Variants in CASQ2 observed in about 807,000 individuals in gnomAD.
CASQ2 encodes calsequestrin 2, also known as calsequestrin-2.
Under a neutral mutation model 46.5 loss-of-function variants are expected in CASQ2, and 49 were observed. The ratio of observed to expected loss-of-function variants is 1.05; its 90% CI spans 0.84 to 1.34. CASQ2 has a LOEUF of 1.34. Among genes scored for constraint, CASQ2 ranks in the 40% most tolerant of loss-of-function variants. CASQ2 has a pLI of 0.00. For synonymous variants in CASQ2, 174 were observed against 168.5 expected, an observed-to-expected ratio of 1.03 and a Z score of -0.25; for missense variants, 486 against 481.3, an observed-to-expected ratio of 1.01 and a Z score of -0.09.
intron 1 of CASQ2, among the ~76,000 whole-genome samples, chr1:115,762,456 T>A (rs1648996016): frequency 6.6e-6 from 1 of 152,146 alleles, no homozygotes; most frequent in African/African-American, 2.4e-5. Context: ...CTTTCCTTAA[T>A]CCAATAAATG....
intron 5 of CASQ2, among the ~76,000 whole-genome samples, chr1:115,729,194 C>A (rs1244226814): frequency 6.6e-6 from 1 of 151,882 alleles, no homozygotes; most frequent in Non-Finnish European, 1.5e-5. Context: ...GGATTATGGG[C>A]ACAGGCCACC....
intron 8 of CASQ2, among the ~76,000 whole-genome samples, chr1:115,714,300 T>C (rs1479794658): frequency 6.6e-6 from 1 of 152,218 alleles, no homozygotes; most frequent in East Asian, 1.9e-4. Context: ...GAGGTCAAGA[T>C]AGCCTGCTTG....
chr1:115,763,439 G>A (rs1399856967), intron 1 of CASQ2, among the ~76,000 whole-genome samples: 2 of 152,040 alleles, frequency 1.3e-5, no homozygotes, highest in East Asian at 1.9e-4. Flanking sequence ...GAGTGAATAA[G>A]CAATAAGAGG....
chr1:115,739,064 A>T lies in CASQ2; in HGVS notation c.421-729T>A, dbSNP rs201103876. Among the ~76,000 whole-genome samples, 402 of 72,804 alleles carry T rather than the reference A, an allele frequency of 5.5e-3. 2 individuals carry two copies. The highest frequency in any genetic ancestry group is 0.02 in the African/African-American group (229 of 11,506). 47.8% of individuals were successfully genotyped at this position (72,804 alleles called of 152,430 possible). A position where few individuals can be genotyped will look rare whatever the true frequency, so the allele number is the denominator to read the frequency against. On this transcript the variant is annotated intron_variant, in intron 3 of 10. Coordinates refer to ENST00000261448, the MANE Select transcript of CASQ2 (RefSeq NM_001232.4). ...TTGCAAATGATAGTTTTCTTTTTTT[A>T]AAAAAAAAAAAAGCTGAATAGTATT...
chr1:115,706,896 G>A (rs745791883), intron 8 of CASQ2, among the ~76,000 whole-genome samples: 3 of 152,092 alleles, frequency 2.0e-5, no homozygotes, highest in Non-Finnish European at 2.9e-5. Context: ...CAGGCAAAAC[G>A]CATACTATTC....
chr1:115,739,546 T>A (rs556051542), intron 3 of CASQ2, among the ~76,000 whole-genome samples: 5 of 152,190 alleles, frequency 3.3e-5, no homozygotes, highest in Non-Finnish European at 5.9e-5. Context: ...GCTGAAGGCT[T>A]TGGGAAAAGT....
At chr1:115,768,185 A>G (rs1380765587) in intron 1 of CASQ2, 123 bp downstream of exon 1, 1 of 749,798 alleles carries the variant, frequency 1.3e-6, no homozygotes, top group Non-Finnish European at 2.4e-6. Flanking sequence ...CGTGAGGCCA[A>G]AATAAAGCAG....
At position 115,701,196 on chromosome 1, in the gene CASQ2, G is replaced by C. The variant is rs998822686; in HGVS notation, c.*45C>G. 3 of 1,613,052 alleles carry C rather than the reference G, an allele frequency of 1.9e-6. No homozygotes were observed. Among genetic ancestry groups the C allele is most frequent in the Non-Finnish European group, 2.5e-6 (3 of 1,180,024 alleles). ...GCCACCTTGTGCTGTCTGTATGGTA[G>C]TGGGTGCTGTGATTTTGTTTTCATC... On this transcript the variant is annotated 3_prime_UTR_variant, in exon 11 of 11. Transcript: ENST00000261448.
At chr1:115,703,924 CA>C (rs749643769) in intron 9 of CASQ2, among the ~76,000 whole-genome samples, 4 of 93,728 alleles carry the variant, frequency 4.3e-5, no homozygotes, top group East Asian at 2.9e-4. Flanking sequence ...AAAAAAAAAA[CA>C]AAAAAAAACT....
intron 7 of CASQ2, among the ~76,000 whole-genome samples, chr1:115,718,645 G>C (rs1252003669): frequency 6.6e-6 from 1 of 152,192 alleles, no homozygotes; most frequent in African/African-American, 2.4e-5. Flanking sequence ...TGGAATTTGA[G>C]CGTAAGGAAG....
At chr1:115,702,838 A>T in intron 10 of CASQ2, 83 bp downstream of exon 10, 1 of 1,076,988 alleles carries the variant, frequency 9.3e-7, no homozygotes, top group Non-Finnish European at 1.4e-6. Flanking sequence ...GGGCTACTAT[A>T]GATGCTCTCA....
rs2101052123 is a variant in CASQ2, at chr1:115,701,270, CATT to C, written c.1168_1170del (p.Asn390del). 4 of 1,605,372 alleles carry C rather than the reference CATT, an allele frequency of 2.5e-6. No homozygotes were observed. Among genetic ancestry groups the C allele is most frequent in the Non-Finnish European group, 3.4e-6 (4 of 1,172,184 alleles). ...TCATCATCATCGTCATCACTGTCAT[CATT>C]ATCCTCTTCATCAGAATTATCATCA... On this transcript the variant is annotated inframe_deletion, in exon 11 of 11. Transcript: ENST00000261448.
chr1:115,714,659 C>A (rs957018748), intron 8 of CASQ2, among the ~76,000 whole-genome samples: 1 of 152,230 alleles, frequency 6.6e-6, no homozygotes, highest in African/African-American at 2.4e-5. Flanking sequence ...CAGTCAGGCC[C>A]ATTGCCCCAG....
chr1:115,753,438 T>A (rs1648649963), intron 1 of CASQ2, among the ~76,000 whole-genome samples: 1 of 152,162 alleles, frequency 6.6e-6, no homozygotes, highest in African/African-American at 2.4e-5. Flanking sequence ...AGGACCCCCA[T>A]GAGGCCTCTC....
chr1:115,752,898 A>T (rs10801976), intron 1 of CASQ2, among the ~76,000 whole-genome samples: 2 of 152,110 alleles, frequency 1.3e-5, no homozygotes, highest in African/African-American at 2.4e-5. Flanking sequence ...AGACCAAGAC[A>T]GTGTCAGTGG....
At chr1:115,721,791 G>A (rs1219990501) in intron 7 of CASQ2, among the ~76,000 whole-genome samples, 2 of 152,066 alleles carry the variant, frequency 1.3e-5, no homozygotes, top group South Asian at 2.1e-4. Context: ...GGCTGCTCTC[G>A]AATTCCTTGA....
intron 4 of CASQ2, among the ~76,000 whole-genome samples, chr1:115,735,760 A>G (rs1570828081): frequency 6.6e-6 from 1 of 152,194 alleles, no homozygotes; most frequent in East Asian, 1.9e-4. Context: ...TTTGTCAATG[A>G]AAAGAAAAGT....
At chr1:115,754,558 A>C (rs113730612) in intron 1 of CASQ2, among the ~76,000 whole-genome samples, 181 of 152,300 alleles carry the variant, frequency 1.2e-3, no homozygotes, top group Middle Eastern at 6.8e-3. Context: ...CTTGCAGATG[A>C]GGAAATAGAG....
At chr1:115,763,268 G>A (rs1277896496) in intron 1 of CASQ2, among the ~76,000 whole-genome samples, 1 of 152,054 alleles carries the variant, frequency 6.6e-6, no homozygotes. Context: ...CTGAAAATGG[G>A]GCAAGGCCTA....
Sources: allele counts gnomAD v4.1 joint callset (sites outside exome capture counted in the v4.1 genomes callset), GRCh38; gene constraint gnomAD v4.1.1; transcripts MANE v1.5; gene names NCBI Gene and HGNC (gene_info 2026-07-23, HGNC 2026-07-21).